The following ZNF888 variants were observed in gnomAD, a reference collection of about 807,000 sequenced individuals.
ZNF888 encodes zinc finger protein 888.
ZNF888 carries 5 observed loss-of-function variants against 7.2 expected under a neutral mutation model. That is an observed-to-expected ratio of 0.70 (90% confidence interval 0.36 to 1.46). The LOEUF (loss-of-function observed/expected upper bound fraction) is 1.46, where lower values mean the gene tolerates loss of function less well. Ranked by LOEUF, ZNF888 falls within the 40% of genes most tolerant of loss-of-function variation. The pLI is 0.03. For synonymous variants in ZNF888, 240 were observed against 284.3 expected (o/e 0.84, Z 1.57); for missense variants, 716 against 858.0 (o/e 0.83, Z 2.07).
At chr19:52,920,706 T>C (rs1376971485) in intron 1 of ZNF888, among the ~76,000 whole-genome samples, 2 of 63,828 alleles carry the variant, frequency 3.1e-5, no homozygotes, top group Non-Finnish European at 7.3e-5. Flanking sequence ...AGAAAATGTT[T>C]AAATTTACCT....
At chr19:52,909,002 G>C (rs866079194) in intron 4 of ZNF888, among the ~76,000 whole-genome samples, 2 of 151,072 alleles carry the variant, frequency 1.3e-5, no homozygotes, top group African/African-American at 2.4e-5. Context: ...AAAAGTAGCC[G>C]GGCGTGGTCG....
chr19:52,918,076 A>G, intron 2 of ZNF888, 145 bp from the exon 3 acceptor site: 1 of 1,433,828 alleles, frequency 7.0e-7, no homozygotes, highest in Non-Finnish European at 9.1e-7. Context: ...TACCAGGGAC[A>G]ATAAACTCCT....
intron 4 of ZNF888, among the ~76,000 whole-genome samples, chr19:52,911,342 CT>C (rs200448605): frequency 0.46 from 65,797 of 143,088 alleles, 15,093 homozygotes; most frequent in Non-Finnish European, 0.52. Context: ...GTTTTCTTTT[CT>C]TTTTTTTTTT....
chr19:52,921,845 C>T (rs2064825316), intron 1 of ZNF888: 1 of 159,084 alleles, frequency 6.3e-6, no homozygotes, highest in South Asian at 2.0e-4. Flanking sequence ...AGGAGAATCA[C>T]TTGAACCAGG....
chr19:52,922,617 C>G (rs2064834723), intron 1 of ZNF888, among the ~76,000 whole-genome samples: 1 of 152,174 alleles, frequency 6.6e-6, no homozygotes, highest in African/African-American at 2.4e-5. Context: ...CCATCCCCTA[C>G]TTTGCCATCT....
At chr19:52,913,356 ACT>A (rs973178427) in intron 4 of ZNF888, among the ~76,000 whole-genome samples, 8 of 116,854 alleles carry the variant, frequency 6.8e-5, no homozygotes, top group African/African-American at 2.7e-4. Flanking sequence ...ATGGAGTCTC[ACT>A]CTGTCACCCA....
chr19:52,912,279 A>G (rs544734129), intron 4 of ZNF888, among the ~76,000 whole-genome samples: 2 of 147,556 alleles, frequency 1.4e-5, no homozygotes, highest in Non-Finnish European at 3.0e-5. Context: ...GCGCCCGGCT[A>G]ATTTTTTGTA....
chr19:52,922,268 T>TCTGTGC (rs1555740601), intron 1 of ZNF888, among the ~76,000 whole-genome samples: 129,482 of 151,748 alleles, frequency 0.85, 55,549 homozygotes, highest in African/African-American at 0.93. Context: ...TTCTCCCATC[T>TCTGTGC]CTCCTGAGCT....
At position 52,913,222 on chromosome 19, in the gene ZNF888, A is replaced by G. The variant is rs376150855; in HGVS notation, c.142+1974T>C. 1.7e-4 allele frequency among the ~76,000 whole-genome samples: 26 copies of G among 152,308 alleles called. No homozygotes were observed. In the South Asian group the frequency reaches 2.7e-3, roughly 16 times the overall value. On this transcript the variant is annotated intron_variant, in intron 4 of 4. Transcript: ENST00000638862. The stretch of plus-strand genomic sequence containing the variant: ...TTAAAAGTCATGAAAAAACACTGTA[A>G]ATATATGTTAATGAAAATGCAACAT...
chr19:52,906,616 T>C lies in ZNF888; in HGVS notation c.1706A>G (p.His569Arg), dbSNP rs1223712531. ...AGGTTTCTCTCCAGTATGAAGTCTATGATGATATGCAAGGCTTGATTTGTG... is the reference window on the plus strand; with the variant it reads ...AGGTTTCTCTCCAGTATGAAGTCTACGATGATATGCAAGGCTTGATTTGTG... ...FNHKSSLAYH[H>R]RLHTGEKPYK... Residue 569 changes from histidine to arginine, a missense_variant, in exon 5 of 5, where the codon CAT becomes CGT. Transcript: ENST00000638862. The C allele has an allele frequency of 9.9e-6, 16 of 1,613,742 alleles. No homozygotes were observed. Among genetic ancestry groups the C allele is most frequent in the Non-Finnish European group, 1.4e-5 (16 of 1,179,820 alleles).
chr19:52,916,927 AAATAAT>A (rs1271117251), intron 3 of ZNF888, among the ~76,000 whole-genome samples: 1 of 131,714 alleles, frequency 7.6e-6, no homozygotes. Context: ...CAAACAACAG[AAATAAT>A]AATAATAGGT....
rs2064768437 is a variant in ZNF888, at chr19:52,917,760, C to T, written c.15+99G>A. The T allele has an allele frequency of 3.7e-5, 59 of 1,588,818 alleles. 1 individual carries two copies. In the South Asian group the frequency reaches 6.3e-4, roughly 17 times the overall value. ...CATGGGTGAGTGTGAGCAAACCTGT[C>T]ACGCAGGATGCTTCAGACTCAGAGA... On this transcript the variant is annotated intron_variant, in intron 3 of 4. Coordinates refer to ENST00000638862, the MANE Select transcript of ZNF888 (RefSeq NM_001393938.1).
chr19:52,911,628 G>A (rs2064680304), intron 4 of ZNF888, among the ~76,000 whole-genome samples: 6 of 151,728 alleles, frequency 4.0e-5, no homozygotes, highest in Admixed American at 2.6e-4. Flanking sequence ...GTGAGCCACC[G>A]TGCCCAGCAT....
rs370642530 is a variant in ZNF888, at chr19:52,912,404, T to C, written c.142+2792A>G. On this transcript the variant is annotated intron_variant, in intron 4 of 4. Coordinates refer to ENST00000638862, the MANE Select transcript of ZNF888 (RefSeq NM_001393938.1). ...CTGGGATTACAGGCATGAGCCACCG[T>C]GCCTGGCCAGCAATAACATATTTTA... Among the ~76,000 whole-genome samples, 791 of 151,062 alleles carry C rather than the reference T, an allele frequency of 5.2e-3. 10 individuals are homozygous for C. The highest frequency in any genetic ancestry group is 0.016 in the African/African-American group (649 of 41,268).
chr19:52,910,396 G>A (rs2064664611), intron 4 of ZNF888, among the ~76,000 whole-genome samples: 4 of 152,100 alleles, frequency 2.6e-5, no homozygotes, highest in Non-Finnish European at 1.5e-5. Flanking sequence ...ATTTGAACCT[G>A]GGAGGCGGAG....
At chr19:52,919,570 C>A (rs1232292282) in intron 1 of ZNF888, among the ~76,000 whole-genome samples, 1 of 72,086 alleles carries the variant, frequency 1.4e-5, no homozygotes, top group East Asian at 3.0e-4. Flanking sequence ...AGGCTCTGCC[C>A]AGCCGCCACC....
At chr19:52,909,566 G>A (rs982492461) in intron 4 of ZNF888, among the ~76,000 whole-genome samples, 2 of 151,974 alleles carry the variant, frequency 1.3e-5, no homozygotes, top group African/African-American at 4.8e-5. Flanking sequence ...ACATTAATGA[G>A]TGGAATCTCT....
At chr19:52,922,235 CA>C (rs2064829066) in intron 1 of ZNF888, among the ~76,000 whole-genome samples, 1 of 134,994 alleles carries the variant, frequency 7.4e-6, no homozygotes, top group African/African-American at 2.9e-5. Context: ...AGATTGTTCT[CA>C]ATGTCCATAG....
rs1414123803 is a variant in ZNF888, at chr19:52,919,844, G to A, written c.-177-907C>T. ...TGGGAGGTGAGGAGCGTCTCTGCCC[G>A]GCCGCCCCGTCTGAGAAGTGAGGAA... On this transcript the variant is annotated intron_variant, in intron 1 of 4. Transcript: ENST00000638862. Among the ~76,000 whole-genome samples the A allele has an allele frequency of 3.4e-5, 2 of 58,904 alleles. 1 individual carries two copies. The highest frequency in any genetic ancestry group is 1.2e-4 in the African/African-American group (2 of 17,354). 38.6% of individuals were successfully genotyped at this position (58,904 alleles called of 152,430 possible). A position where few individuals can be genotyped will look rare whatever the true frequency, so the allele number is the denominator to read the frequency against.
Sources: allele counts gnomAD v4.1 joint callset (sites outside exome capture counted in the v4.1 genomes callset), GRCh38; gene constraint gnomAD v4.1.1; transcripts MANE v1.5; gene names NCBI Gene and HGNC (gene_info 2026-07-23, HGNC 2026-07-21).